The following CACNA1C variants were observed in gnomAD, a reference collection of about 807,000 sequenced individuals.
CACNA1C encodes the protein calcium voltage-gated channel subunit alpha1 C.
In CACNA1C, 30 loss-of-function variants were observed where a neutral mutation model predicts 229.0. That is an observed-to-expected ratio of 0.13 (90% CI 0.10 to 0.18). The LOEUF (loss-of-function observed/expected upper bound fraction) is 0.18. Ranked by LOEUF, CACNA1C falls within the 10% of genes least tolerant of loss-of-function variation. The pLI, the probability that CACNA1C is intolerant of heterozygous loss-of-function variation, is 1.00. For missense variants in CACNA1C, 1,658 were observed against 2,845.0 expected (o/e 0.58, Z 9.49); for synonymous variants, 1,114 against 1,132.5 (o/e 0.98, Z 0.33).
At chr12:2,607,392 G>A in intron 26 of CACNA1C, 1 of 419,940 alleles carries the variant, frequency 2.4e-6, no homozygotes, top group South Asian at 4.3e-5. Context: ...CTCAGCATGA[G>A]CCACGATGTC....
chr12:2,272,853 A>G (rs2085735955), intron 3 of CACNA1C, among the ~76,000 whole-genome samples: 1 of 152,252 alleles, frequency 6.6e-6, no homozygotes, highest in African/African-American at 2.4e-5. Flanking sequence ...GCCCAGGATC[A>G]GAATAAAATA....
At chr12:2,481,382 A>T (rs894740536) in intron 5 of CACNA1C, among the ~76,000 whole-genome samples, 27 of 152,204 alleles carry the variant, frequency 1.8e-4, no homozygotes, top group Non-Finnish European at 5.9e-5. Context: ...AAGGAGAAAC[A>T]GTGTGATTTA....
chr12:2,538,443 T>C (rs1463504239), intron 9 of CACNA1C, among the ~76,000 whole-genome samples: 5 of 152,078 alleles, frequency 3.3e-5, no homozygotes, highest in Admixed American at 3.3e-4. Flanking sequence ...ACTGTGTTTC[T>C]TTTTCTCTTC....
intron 3 of CACNA1C, among the ~76,000 whole-genome samples, chr12:2,330,967 T>C (rs1336724228): frequency 6.6e-6 from 1 of 152,178 alleles, no homozygotes; most frequent in Non-Finnish European, 1.5e-5. Flanking sequence ...TAGTTACAAC[T>C]TTAAAAAACT....
chr12:2,662,620 G>A (rs1201609303), intron 34 of CACNA1C, among the ~76,000 whole-genome samples: 2 of 152,210 alleles, frequency 1.3e-5, no homozygotes, highest in African/African-American at 2.4e-5. Flanking sequence ...ATTATTCACA[G>A]AGGCTGAAAC....
upstream of CACNA1C, among the ~76,000 whole-genome samples, chr12:2,052,326 CTCTA>C (rs1029489762): frequency 3.3e-5 from 5 of 152,284 alleles, no homozygotes; most frequent in African/African-American, 9.6e-5. Context: ...CCCTCCCCTC[CTCTA>C]TCTGTCACTT....
intron 1 of CACNA1C, among the ~76,000 whole-genome samples, chr12:2,077,092 A>G (rs2063496739): frequency 6.6e-6 from 1 of 152,252 alleles, no homozygotes; most frequent in Non-Finnish European, 1.5e-5. Context: ...TGTACCGTTT[A>G]TGATCAACAG....
At chr12:2,437,835 TAATGATGG>T (rs1355016479) in intron 3 of CACNA1C, among the ~76,000 whole-genome samples, 1 of 140,740 alleles carries the variant, frequency 7.1e-6, no homozygotes, top group Admixed American at 7.1e-5. Context: ...ATGGTGGTGG[TAATGATGG>T]TGGTGATGAT....
intron 3 of CACNA1C, among the ~76,000 whole-genome samples, chr12:2,259,057 GC>G (rs1196497699): frequency 6.6e-6 from 1 of 152,150 alleles, no homozygotes; most frequent in Non-Finnish European, 1.5e-5. Flanking sequence ...CTTTCACCTG[GC>G]CCTGGGGAAA....
At chr12:2,620,201 G>C (rs1045328303) in intron 29 of CACNA1C, among the ~76,000 whole-genome samples, 9 of 152,136 alleles carry the variant, frequency 5.9e-5, no homozygotes, top group African/African-American at 2.2e-4. Context: ...TCCAGAGCTG[G>C]CTTTTTGTTG....
At chr12:2,551,425 C>T (rs567933021) in intron 10 of CACNA1C, among the ~76,000 whole-genome samples, 25 of 152,316 alleles carry the variant, frequency 1.6e-4, no homozygotes, top group South Asian at 8.3e-4. Flanking sequence ...AAATGGTCCC[C>T]GTTATCCCCA....
intron 3 of CACNA1C, among the ~76,000 whole-genome samples, chr12:2,121,468 C>T (rs1343612774): frequency 3.9e-5 from 6 of 152,216 alleles, no homozygotes; most frequent in South Asian, 2.1e-4. Flanking sequence ...TCTCAGCTGT[C>T]GCCCCAGTTT....
intron 3 of CACNA1C, among the ~76,000 whole-genome samples, chr12:2,339,458 T>G (rs934608038): frequency 6.6e-6 from 1 of 152,252 alleles, no homozygotes; most frequent in South Asian, 2.1e-4. Flanking sequence ...CTTCCTGCAA[T>G]AATACGTTAA....
chr12:2,261,719 C>G (rs956808851), intron 3 of CACNA1C, among the ~76,000 whole-genome samples: 16 of 152,104 alleles, frequency 1.1e-4, no homozygotes, highest in Non-Finnish European at 1.9e-4. Flanking sequence ...CATATATGGG[C>G]CAAGCTCTAG....
At chr12:2,438,415 G>A (rs540676524) in intron 3 of CACNA1C, among the ~76,000 whole-genome samples, 97 of 151,834 alleles carry the variant, frequency 6.4e-4, no homozygotes, top group Middle Eastern at 3.4e-3. Flanking sequence ...TGGTGATGGC[G>A]GAAGGAGGTG....
At chr12:2,003,479 T>C (rs2042655375) in intron 1 of CACNA1C, among the ~76,000 whole-genome samples, 1 of 152,230 alleles carries the variant, frequency 6.6e-6, no homozygotes, top group South Asian at 2.1e-4. Context: ...AAATTACATG[T>C]CTCTACATTC....
In CACNA1C at chr12:2,566,563, C is replaced by T; in HGVS notation, c.1650C>T (p.Asn550=). The T allele has an allele frequency of 6.3e-7, 1 of 1,598,882 alleles. No individual in the cohort carries two copies. Among genetic ancestry groups the T allele is most frequent in the Non-Finnish European group, 8.5e-7 (1 of 1,172,982 alleles). ...TIASEHYNQP[N]WLTEVQDTAN... ...CCTCTGAGCACTACAACCAGCCCAACTGGCTCACAGAAGTCCAAGGTGAGC... is the reference window on the plus strand; with the variant it reads ...CCTCTGAGCACTACAACCAGCCCAATTGGCTCACAGAAGTCCAAGGTGAGC... Residue 550 remains asparagine, a synonymous_variant, in exon 12 of 47, where the codon AAC becomes AAT. Coordinates refer to ENST00000399655, the MANE Select transcript of CACNA1C (RefSeq NM_000719.7). The surrounding 1 kb of genome is among the most constrained non-coding windows in gnomAD (Gnocchi z 4.0).
At chr12:2,387,030 A>C (rs2098403579) in intron 3 of CACNA1C, among the ~76,000 whole-genome samples, 1 of 152,218 alleles carries the variant, frequency 6.6e-6, no homozygotes, top group Non-Finnish European at 1.5e-5. Context: ...AAGACTTTTT[A>C]AACTGACTTT....
intron 34 of CACNA1C, among the ~76,000 whole-genome samples, chr12:2,663,937 T>C (rs1966440): frequency 0.57 from 86,400 of 150,610 alleles, 28,122 homozygotes; most frequent in Non-Finnish European, 0.72. Context: ...AGACGAGGCT[T>C]CACCATGTTA....
Sources: gnomAD v4.1 joint callset for allele counts (sites outside exome capture counted in the v4.1 genomes callset) on GRCh38, gnomAD v4.1.1 for gene constraint, Gnocchi (gnomAD v3.1) non-coding constraint, MANE v1.5 for transcripts, NCBI Gene and HGNC (gene_info 2026-07-23, HGNC 2026-07-21) for gene names.